The following RXFP2 variants were observed in gnomAD, a reference collection of about 807,000 sequenced individuals.
RXFP2 encodes relaxin receptor 2.
In RXFP2, 68 loss-of-function variants were observed where a neutral mutation model predicts 88.6. The observed-to-expected ratio is 0.77, with a 90% CI of 0.63 to 0.94. RXFP2 has a LOEUF of 0.94. Ranked by LOEUF, RXFP2 falls within the 40% of genes least tolerant of loss-of-function variation. The probability of loss-of-function intolerance (pLI) is 0.00; values close to 1 mark genes in which losing one functional copy is unlikely to be tolerated. For missense variants in RXFP2, 791 were observed against 893.9 expected, an observed-to-expected ratio of 0.88 and a Z score of 1.47; for synonymous variants, 329 against 306.8, an observed-to-expected ratio of 1.07 and a Z score of -0.76.
chr13:31,781,426 C>T (rs978633965), intron 9 of RXFP2, among the ~76,000 whole-genome samples: 1 of 152,054 alleles, frequency 6.6e-6, no homozygotes, highest in Non-Finnish European at 1.5e-5. Flanking sequence ...TAATTAATAG[C>T]ATAGCATTCA....
chr13:31,753,808 CT>C (rs890942452), intron 1 of RXFP2, among the ~76,000 whole-genome samples: 59 of 148,678 alleles, frequency 4.0e-4, no homozygotes, highest in African/African-American at 7.6e-4. Context: ...CCTTCAATTC[CT>C]TTTTTTTTTA....
At position 31,739,571 on chromosome 13, in the gene RXFP2, G is replaced by C. The variant is rs112639961; in HGVS notation, c.-42G>C. 156 of 1,263,536 alleles carry C rather than the reference G, an allele frequency of 1.2e-4. 2 individuals carry two copies. The African/African-American group carries it at 1.9e-3, about 15-fold the overall frequency. 78.3% of individuals were successfully genotyped at this position (1,263,536 alleles called of 1,614,324 possible). On this transcript the variant is annotated 5_prime_UTR_variant, in exon 1 of 18. Coordinates refer to ENST00000298386, the MANE Select transcript of RXFP2 (RefSeq NM_130806.5). ...CTTACTACATCAGAACTCCTGCTGA[G>C]GTATAAGAGGATACGTCTAATAACT...
rs141434574 is a variant in RXFP2 at position 31,773,774 on chromosome 13, A to G, written c.498-846A>G. Among the ~76,000 whole-genome samples the G allele has an allele frequency of 4.6e-5, 7 of 152,346 alleles. No homozygotes were observed. The East Asian group carries it at 1.2e-3, about 25-fold the overall frequency. ...GCATGTGATCTACAAATAGTTTTGCAGTAGAATATCATAACAATGAAACAG... is the reference window on the plus strand; with the variant it reads ...GCATGTGATCTACAAATAGTTTTGCGGTAGAATATCATAACAATGAAACAG... On this transcript the variant is annotated intron_variant, in intron 5 of 17. Coordinates refer to ENST00000298386, the MANE Select transcript of RXFP2 (RefSeq NM_130806.5).
In RXFP2 at chr13:31,786,598, A is replaced by G. The variant is rs769300019; in HGVS notation, c.1034A>G (p.His345Arg). The G allele has an allele frequency of 1.9e-6, 3 of 1,604,088 alleles. No individual in the cohort carries two copies. The highest frequency in any genetic ancestry group is 2.6e-6 in the Non-Finnish European group (3 of 1,171,900). ...TCATCCAATCCTCTTATGTATCTTC[A>G]CAAGAACCAGTTTGAAAGTCTTAAA... is the stretch of plus-strand genomic sequence containing the variant. The part of the protein sequence containing the change: ...NLSSNPLMYL[H>R]KNQFESLKQL... The change falls in exon 13 of 18, where the codon CAC becomes CGC. Residue 345 changes from histidine to arginine, a missense_variant. Coordinates refer to ENST00000298386, the MANE Select transcript of RXFP2 (RefSeq NM_130806.5).
In RXFP2 at chr13:31,802,666, CAGCTGATCTCT is replaced by C; in HGVS notation, c.*266_*276del. 2.1e-6 allele frequency: 1 copy of C among 472,452 alleles called. No homozygotes were observed. Among genetic ancestry groups the C allele is most frequent in the Non-Finnish European group, 3.9e-6 (1 of 257,176 alleles). The allele number at this position is 472,452 out of a possible 1,614,324, so 29.3% of individuals were successfully genotyped here. A position where few individuals can be genotyped will look rare whatever the true frequency, so the allele number is the denominator to read the frequency against. On this transcript the variant is annotated 3_prime_UTR_variant, in exon 18 of 18. Transcript: ENST00000298386. ...AATTCGTGTATAGTGGGCTGAGGTG[CAGCTGATCTCT>C]AGCTAATCAACACAACCCACCAACA...
chr13:31,748,330 C>A (rs1871511575), intron 1 of RXFP2, among the ~76,000 whole-genome samples: 1 of 152,158 alleles, frequency 6.6e-6, no homozygotes. Context: ...GCAGCTGTTC[C>A]AATTAACACT....
chr13:31,786,401 G>C lies in RXFP2; in HGVS notation c.948G>C (p.Thr316=). The change falls in exon 12 of 18, where the codon ACG becomes ACC. Residue 316 remains threonine (T), a synonymous_variant. Coordinates refer to ENST00000298386, the MANE Select transcript of RXFP2 (RefSeq NM_130806.5). ...TCAACAGGGATCTGTCTAGCAATAC[G>C]ATAACGGAACTATCACCTCACCTTT... ...NLGELDLSSN[T]ITELSPHLFK... is the part of the protein sequence containing the mutation. 1 of 1,607,606 alleles carries C rather than the reference G, an allele frequency of 6.2e-7. No homozygotes were observed. The highest frequency in any genetic ancestry group is 8.5e-7 in the Non-Finnish European group (1 of 1,174,126).
intron 14 of RXFP2, among the ~76,000 whole-genome samples, chr13:31,791,604 T>G: frequency 6.6e-6 from 1 of 152,350 alleles, no homozygotes; most frequent in South Asian, 2.1e-4. Flanking sequence ...TGAATTCCTA[T>G]GTTCTTTAGG....
At chr13:31,795,152 A>G (rs1219231163) in intron 16 of RXFP2, among the ~76,000 whole-genome samples, 2 of 148,186 alleles carry the variant, frequency 1.3e-5, no homozygotes, top group Non-Finnish European at 3.0e-5. Flanking sequence ...TAGAGCATAC[A>G]CTTTTTTTTT....
intron 3 of RXFP2, among the ~76,000 whole-genome samples, chr13:31,764,770 T>G (rs973152143): frequency 9.2e-5 from 14 of 152,378 alleles, no homozygotes; most frequent in Non-Finnish European, 1.9e-4. Context: ...GATGAGTTTA[T>G]GCTAGTTAAC....
chr13:31,748,888 T>C (rs1172733382), intron 1 of RXFP2, among the ~76,000 whole-genome samples: 1 of 152,108 alleles, frequency 6.6e-6, no homozygotes, highest in African/African-American at 2.4e-5. Flanking sequence ...TCCCAGCTAC[T>C]CAGGAGGCTA....
intron 1 of RXFP2, among the ~76,000 whole-genome samples, chr13:31,740,951 A>C (rs1208247432): frequency 1.3e-5 from 2 of 152,034 alleles, no homozygotes; most frequent in African/African-American, 4.8e-5. Flanking sequence ...AATTTTAAGA[A>C]TATACAGCTA....
Position 31,791,842 on chromosome 13 carries a change from C to A in RXFP2, c.1182C>A (p.Pro394=). Residue 394 remains proline, a synonymous_variant, in exon 15 of 18, where the codon CCC becomes CCA. Coordinates refer to ENST00000298386, the MANE Select transcript of RXFP2 (RefSeq NM_130806.5). The stretch of plus-strand genomic sequence containing the variant: ...ACTTTCGATACTGCTCCTATGCTCC[C>A]CATGTCCGAATATGTATGCCCTTGA... ...FKNFRYCSYA[P]HVRICMPLTD... 2 of 1,614,130 alleles carry A rather than the reference C, an allele frequency of 1.2e-6. No individual in the cohort carries two copies. Among genetic ancestry groups the A allele is most frequent in the Non-Finnish European group, 1.7e-6 (2 of 1,179,994 alleles).
chr13:31,782,136 A>T (rs2138441144), intron 10 of RXFP2, among the ~76,000 whole-genome samples: 1 of 152,300 alleles, frequency 6.6e-6, no homozygotes, highest in East Asian at 1.9e-4. Flanking sequence ...AAGAAAAAAA[A>T]AATCATAATT....
At position 31,757,253 on chromosome 13, in the gene RXFP2, T is replaced by C. The variant is rs778481045; in HGVS notation, c.95-1005T>C. 1.2e-4 allele frequency among the ~76,000 whole-genome samples: 18 copies of C among 152,204 alleles called. 2 individuals are homozygous for C. The highest frequency in any genetic ancestry group is 2.2e-4 in the Non-Finnish European group (15 of 68,040). Reference sequence around the variant, plus strand: ...ATTGATTGATAGTCTCATAGTGCAATGGCTAAGGGTGGGCCTATGGGGTCA... The same window carrying C: ...ATTGATTGATAGTCTCATAGTGCAACGGCTAAGGGTGGGCCTATGGGGTCA... On this transcript the variant is annotated intron_variant, in intron 1 of 17. Transcript: ENST00000298386.
intron 15 of RXFP2, 32 bp from the exon 16 acceptor site, chr13:31,792,646 T>A: frequency 1.2e-6 from 2 of 1,605,556 alleles, no homozygotes; most frequent in Non-Finnish European, 1.7e-6. Context: ...CATTGGAAAC[T>A]GATGACATAC....
chr13:31,775,495 G>A (rs1872908078), intron 7 of RXFP2, 106 bp downstream of exon 7: 2 of 870,376 alleles, frequency 2.3e-6, no homozygotes, highest in African/African-American at 3.3e-5. Context: ...TTTTATACTT[G>A]CTTTTCTGAT....
At chr13:31,758,206 G>A (rs575079994) in intron 1 of RXFP2, 52 bp from the exon 2 acceptor site, 14 of 1,602,980 alleles carry the variant, frequency 8.7e-6, no homozygotes, top group East Asian at 6.7e-5. Flanking sequence ...GGGACAACAC[G>A]GAGAGAGCTT....
intron 5 of RXFP2, among the ~76,000 whole-genome samples, chr13:31,771,707 G>A (rs561395080): frequency 2.4e-4 from 37 of 151,270 alleles, no homozygotes; most frequent in African/African-American, 9.0e-4. Context: ...CAGGAGAATC[G>A]CTTGACCCCA....
Sources: allele counts gnomAD v4.1 joint callset (sites outside exome capture counted in the v4.1 genomes callset), GRCh38; gene constraint gnomAD v4.1.1; transcripts MANE v1.5; gene names NCBI Gene and HGNC (gene_info 2026-07-23, HGNC 2026-07-21).